HEATR1: variants seen among roughly 807,000 people sequenced by gnomAD.
HEATR1 encodes the protein HEAT repeat-containing protein 1.
A neutral mutation model predicts 248.2 loss-of-function variants in HEATR1; 77 were observed. The ratio of observed to expected loss-of-function variants is 0.31; its 90% CI spans 0.26 to 0.37. HEATR1 has a LOEUF of 0.37. HEATR1 is among the 10% of genes least tolerant of loss of function. The pLI is 1.00. For synonymous variants in HEATR1, 897 were observed against 923.1 expected (o/e 0.97, Z 0.51); for missense variants, 2,420 against 2,504.9 (o/e 0.97, Z 0.72).
At chr1:236,574,490 G>C (rs1011877625) in intron 23 of HEATR1, among the ~76,000 whole-genome samples, 157 bp from the exon 24 acceptor site, 1 of 152,048 alleles carries the variant, frequency 6.6e-6, no homozygotes. Context: ...ACAACGTTCA[G>C]TTTTCAAAAA....
chr1:236,589,114 C>T (rs1045823520), intron 12 of HEATR1, among the ~76,000 whole-genome samples: 5 of 152,008 alleles, frequency 3.3e-5, no homozygotes, highest in African/African-American at 7.2e-5. Context: ...TATGCAGGGC[C>T]GGCCCTTCAC....
At chr1:236,592,239 G>T in intron 10 of HEATR1, 129 bp from the exon 11 acceptor site, 1 of 589,766 alleles carries the variant, frequency 1.7e-6, no homozygotes, top group South Asian at 2.7e-5. Context: ...TTTAACAAAT[G>T]TTGTAGGTAA....
At chr1:236,559,583 T>C in intron 34 of HEATR1, 131 bp downstream of exon 34, 4 of 1,160,798 alleles carry the variant, frequency 3.4e-6, no homozygotes, top group Non-Finnish European at 4.8e-6. Context: ...GATTGTTTTC[T>C]AAGAAAAATC....
In HEATR1 at chr1:236,557,182, T is replaced by C. The variant is rs768748369; in HGVS notation, c.5355+13A>G. On this transcript the variant is annotated intron_variant, in intron 37 of 44. Transcript: ENST00000366582. The stretch of plus-strand genomic sequence containing the variant: ...GCCACCCTGCGTAGCATGTCGTGGC[T>C]ATCGTGGCTCACCTGGGAGAGAATG... The C allele has an allele frequency of 1.9e-6, 3 of 1,613,256 alleles. No individual in the cohort carries two copies.
At chr1:236,551,034 C>A in intron 44 of HEATR1, 44 bp from the exon 45 acceptor site, 1 of 1,447,314 alleles carries the variant, frequency 6.9e-7, no homozygotes, top group Non-Finnish European at 9.4e-7. Context: ...CTGAGTCAGT[C>A]CGCCTGCCTC....
At chr1:236,566,358 C>CAT (rs1302459962) in intron 30 of HEATR1, among the ~76,000 whole-genome samples, 1 of 152,178 alleles carries the variant, frequency 6.6e-6, no homozygotes. Flanking sequence ...ACTCTTCAGC[C>CAT]ATACTCTGCT....
At chr1:236,559,178 T>TA (rs745656089) in intron 34 of HEATR1, 43 bp from the exon 35 acceptor site, 3,225 of 1,331,204 alleles carry the variant, frequency 2.4e-3, no homozygotes, top group South Asian at 5.7e-3. Context: ...AAAAACAAAT[T>TA]AAAAAAAAAA....
chr1:236,588,884 G>A (rs1663960440), intron 12 of HEATR1, among the ~76,000 whole-genome samples: 1 of 152,214 alleles, frequency 6.6e-6, no homozygotes, highest in African/African-American at 2.4e-5. Context: ...GCTGAGGTGG[G>A]AGGACTGCTT....
At chr1:236,589,767 T>C (rs938425753) in intron 12 of HEATR1, among the ~76,000 whole-genome samples, 1 of 152,194 alleles carries the variant, frequency 6.6e-6, no homozygotes, top group Non-Finnish European at 1.5e-5. Flanking sequence ...CAAATCACGG[T>C]GCATAATTTT....
chr1:236,569,834 A>C (rs935456788), intron 28 of HEATR1, among the ~76,000 whole-genome samples: 2 of 152,226 alleles, frequency 1.3e-5, no homozygotes, highest in African/African-American at 4.8e-5. Flanking sequence ...TGTCTACAAT[A>C]TTCATAGCAA....
Position 236,581,420 on chromosome 1 carries a change from T to TAAA in HEATR1, c.2563-9_2563-7dup, listed in dbSNP as rs11338847. The TAAA allele has an allele frequency of 2.3e-5, 28 of 1,212,076 alleles. No individual in the cohort carries two copies. The highest frequency in any genetic ancestry group is 7.6e-5 in the South Asian group (4 of 52,948). 75.1% of individuals were successfully genotyped at this position (1,212,076 alleles called of 1,614,324 possible). On this transcript the variant is annotated splice_region_variant and splice_polypyrimidine_tract_variant and intron_variant, in intron 19 of 44. Transcript: ENST00000366582. ...AAAACATCTTCTAGATGCACCTAATTAAAAAAAAAAAAAAGCAAACTTTTA... is the reference window on the plus strand; with the variant it reads ...AAAACATCTTCTAGATGCACCTAATTAAAAAAAAAAAAAAAAAGCAAACTTTTA...
chr1:236,558,441 C>T lies in HEATR1; in HGVS notation c.5000G>A (p.Arg1667Lys), dbSNP rs1230701256. 6.2e-7 allele frequency: 1 copy of T among 1,614,190 alleles called. No individual in the cohort carries two copies. Among genetic ancestry groups the T allele is most frequent in the East Asian group, 2.2e-5 (1 of 44,890 alleles). The change falls in exon 36 of 45, where the codon AGA becomes AAA. Residue 1667 changes from arginine (R) to lysine (K), a missense_variant. Coordinates refer to ENST00000366582, the MANE Select transcript of HEATR1 (RefSeq NM_018072.6). ...KEGEEEQAINRQTALYTLKLL... is the reference protein window; with the variant it reads ...KEGEEEQAINKQTALYTLKLL... ...CTTTAAGGTATACAACGCTGTCTGT[C>T]TGTTGATTGCTTGTTCTTCTTCCCC...
At chr1:236,563,383 G>A (rs1026193660) in intron 32 of HEATR1, among the ~76,000 whole-genome samples, 13 of 151,996 alleles carry the variant, frequency 8.6e-5, no homozygotes, top group African/African-American at 1.7e-4. Flanking sequence ...CCGGGTTCAC[G>A]CCATTCTCCT....
Position 236,550,007 on chromosome 1 carries a change from G to A in HEATR1, c.*895C>T, listed in dbSNP as rs961820055. The A allele has an allele frequency of 2.0e-5, 3 of 152,004 alleles. No individual in the cohort carries two copies. Among genetic ancestry groups the A allele is most frequent in the East Asian group, 1.9e-4 (1 of 5,190 alleles). 9.4% of individuals were successfully genotyped at this position (152,004 alleles called of 1,614,324 possible). On this transcript the variant is annotated 3_prime_UTR_variant, in exon 45 of 45. Transcript: ENST00000366582. ...TTTAAACTCAATGCGAACATTCTAC[G>A]GGATGTTCTTAGATGCCTTTAAAAA...
chr1:236,580,838 T>TTTTTTTTTTTTTA (rs1663712174), intron 20 of HEATR1, among the ~76,000 whole-genome samples: 3 of 149,778 alleles, frequency 2.0e-5, no homozygotes, highest in Non-Finnish European at 3.0e-5. Flanking sequence ...TTTTTTTTTT[T>TTTTTTTTTTTTTA]GAGATGGAGT....
Position 236,587,509 on chromosome 1 carries a change from CCA to C in HEATR1, c.1627-21_1627-20del. 7.6e-7 allele frequency: 1 copy of C among 1,308,144 alleles called. No homozygotes were observed. The allele number at this position is 1,308,144 out of a possible 1,614,324, so 81.0% of individuals were successfully genotyped here. ...TGAAAATCTAAAGGGAAAAAAATAT[CCA>C]GAGTAGATTTGTACTTGCTTCAAAC... On this transcript the variant is annotated intron_variant, in intron 13 of 44. Transcript: ENST00000366582.
rs200646146 is a variant in HEATR1 at position 236,571,336 on chromosome 1, A to G, written c.3948+15T>C. 2.7e-4 allele frequency: 418 copies of G among 1,573,828 alleles called. 2 individuals are homozygous for G. The highest frequency in any genetic ancestry group is 2.6e-3 in the Middle Eastern group (15 of 5,882). Reference sequence around the variant, plus strand: ...TCTGAAATATCTGCTAAAATCTTATATCATTAACGCTTACCGGAAATATTC... The same window carrying G: ...TCTGAAATATCTGCTAAAATCTTATGTCATTAACGCTTACCGGAAATATTC... On this transcript the variant is annotated intron_variant, in intron 28 of 44. Transcript: ENST00000366582.
chr1:236,555,167 T>A, intron 41 of HEATR1, 129 bp downstream of exon 41: 1 of 917,820 alleles, frequency 1.1e-6, no homozygotes, highest in African/African-American at 1.7e-5. Flanking sequence ...AAGTAAAAAA[T>A]TCACCCTCCT....
intron 25 of HEATR1, 56 bp downstream of exon 25, chr1:236,572,669 A>G (rs1415976127): frequency 1.3e-6 from 2 of 1,599,162 alleles, no homozygotes; most frequent in South Asian, 2.2e-5. Flanking sequence ...CAATGGTTTC[A>G]TAACATTCAG....
Sources: gnomAD v4.1 joint callset for allele counts (sites outside exome capture counted in the v4.1 genomes callset) on GRCh38, gnomAD v4.1.1 for gene constraint, MANE v1.5 for transcripts, NCBI Gene and HGNC (gene_info 2026-07-23, HGNC 2026-07-21) for gene names.